The following PLCXD3 variants were observed in gnomAD, a reference collection of about 807,000 sequenced individuals.
PLCXD3 encodes phosphatidylinositol specific phospholipase C X domain containing 3.
A neutral mutation model predicts 25.5 loss-of-function variants in PLCXD3; 19 were observed. The observed-to-expected ratio is 0.75, with a 90% CI of 0.52 to 1.09. The LOEUF is 1.09. Ranked by LOEUF, PLCXD3 falls within the 50% of genes least tolerant of loss-of-function variation. The pLI is 0.00. For missense variants in PLCXD3, 411 were observed against 388.1 expected (o/e 1.06, Z -0.50); for synonymous variants, 174 against 137.6 (o/e 1.26, Z -1.85).
intron 1 of PLCXD3, among the ~76,000 whole-genome samples, chr5:41,414,499 C>G (rs776897606): frequency 6.6e-6 from 1 of 151,950 alleles, no homozygotes; most frequent in African/African-American, 2.4e-5. Context: ...AATTGTACTG[C>G]GAATATTTTA....
chr5:41,482,514 T>C (rs1404475442), intron 1 of PLCXD3, among the ~76,000 whole-genome samples: 1 of 152,184 alleles, frequency 6.6e-6, no homozygotes, highest in Non-Finnish European at 1.5e-5. Flanking sequence ...TACATTAGTC[T>C]GATATCACAC....
chr5:41,441,498 A>G (rs1369831882), intron 1 of PLCXD3, among the ~76,000 whole-genome samples: 1 of 152,194 alleles, frequency 6.6e-6, no homozygotes, highest in Non-Finnish European at 1.5e-5. Context: ...CACCTGGGAA[A>G]GCTTCTCTAA....
intron 1 of PLCXD3, among the ~76,000 whole-genome samples, chr5:41,476,417 C>T (rs144522028): frequency 2.7e-3 from 418 of 152,278 alleles, no homozygotes; most frequent in African/African-American, 8.7e-3. Flanking sequence ...TCTTCTTAAC[C>T]ATCTAGGTGT....
chr5:41,478,837 G>C (rs1353788236), intron 1 of PLCXD3, among the ~76,000 whole-genome samples: 5 of 152,162 alleles, frequency 3.3e-5, no homozygotes, highest in Non-Finnish European at 7.3e-5. Flanking sequence ...TTACAATAGT[G>C]GCAGAAGGGC....
chr5:41,480,476 G>T (rs1394500162), intron 1 of PLCXD3, among the ~76,000 whole-genome samples: 1 of 151,400 alleles, frequency 6.6e-6, no homozygotes, highest in Non-Finnish European at 1.5e-5. Flanking sequence ...GCAGCCAGGG[G>T]TTGGGTACAG....
Position 41,414,167 on chromosome 5 carries a change from C to G in PLCXD3, c.104-31633G>C, listed in dbSNP as rs367663547. Among the ~76,000 whole-genome samples the G allele has an allele frequency of 3.3e-5, 5 of 152,244 alleles. No homozygotes were observed. In the East Asian group the frequency reaches 9.6e-4, roughly 29 times the overall value. On this transcript the variant is annotated intron_variant, in intron 1 of 2. Coordinates refer to ENST00000377801, the MANE Select transcript of PLCXD3 (RefSeq NM_001005473.3). Reference sequence around the variant, plus strand: ...AAAAGAAGTTTTCAAAGCAACTTGTCTGTCTTGGCCTTAGCTCTTGATTGG... The same window carrying G: ...AAAAGAAGTTTTCAAAGCAACTTGTGTGTCTTGGCCTTAGCTCTTGATTGG...
At chr5:41,406,064 T>C (rs1350920693) in intron 1 of PLCXD3, among the ~76,000 whole-genome samples, 3 of 152,106 alleles carry the variant, frequency 2.0e-5, no homozygotes, top group Non-Finnish European at 2.9e-5. Context: ...TCTGGAACAT[T>C]TGATACAGCT....
intron 2 of PLCXD3, among the ~76,000 whole-genome samples, chr5:41,340,001 G>A (rs777447740): frequency 6.6e-6 from 1 of 152,166 alleles, no homozygotes; most frequent in Non-Finnish European, 1.5e-5. Context: ...ATGGCGAGGT[G>A]TTGAAAATTC....
In PLCXD3 at chr5:41,311,619, C is replaced by T. The variant is rs1451300741; in HGVS notation, c.*1998G>A. On this transcript the variant is annotated 3_prime_UTR_variant, in exon 3 of 3. Transcript: ENST00000377801. ...TTGTATATGGCAAGATGTATACACA[C>T]AACCCAAATGTATACACACATTTTT... 1 of 152,134 alleles carries T rather than the reference C, an allele frequency of 6.6e-6. No homozygotes were observed. Among genetic ancestry groups the T allele is most frequent in the East Asian group, 1.9e-4 (1 of 5,202 alleles). The allele number at this position is 152,134 out of a possible 1,614,324, so 9.4% of individuals were successfully genotyped here. A position where few individuals can be genotyped will look rare whatever the true frequency, so the allele number is the denominator to read the frequency against.
chr5:41,383,517 C>T (rs1169686723), intron 1 of PLCXD3, among the ~76,000 whole-genome samples: 2 of 152,038 alleles, frequency 1.3e-5, no homozygotes, highest in Non-Finnish European at 2.9e-5. Context: ...CTTAAAGCCT[C>T]CTTTTATTCT....
chr5:41,409,978 A>AAATG (rs900445004), intron 1 of PLCXD3, among the ~76,000 whole-genome samples: 7 of 152,270 alleles, frequency 4.6e-5, no homozygotes, highest in South Asian at 4.1e-4. Flanking sequence ...GGTTTTCACC[A>AAATG]AATGAATGAA....
At chr5:41,375,774 G>A (rs1409689660) in intron 2 of PLCXD3, among the ~76,000 whole-genome samples, 2 of 152,092 alleles carry the variant, frequency 1.3e-5, no homozygotes, top group African/African-American at 4.8e-5. Flanking sequence ...GACAGAGAAT[G>A]TATTAAATGC....
At chr5:41,497,343 T>C (rs1228867931) in intron 1 of PLCXD3, among the ~76,000 whole-genome samples, 1 of 151,770 alleles carries the variant, frequency 6.6e-6, no homozygotes, top group East Asian at 1.9e-4. Context: ...AAAAATATAT[T>C]CCAGGCAAAT....
intron 1 of PLCXD3, among the ~76,000 whole-genome samples, chr5:41,436,268 C>T (rs1156346731): frequency 1.3e-5 from 2 of 151,514 alleles, no homozygotes; most frequent in Admixed American, 6.6e-5. Flanking sequence ...GAATGCCATC[C>T]CTATAAATAT....
intron 2 of PLCXD3, among the ~76,000 whole-genome samples, chr5:41,365,524 G>A (rs1580327006): frequency 1.3e-5 from 2 of 152,232 alleles, no homozygotes; most frequent in Admixed American, 6.5e-5. Context: ...GTAACTGAAG[G>A]ACTGCCTCTC....
chr5:41,504,450 A>G (rs748260273), intron 1 of PLCXD3, among the ~76,000 whole-genome samples: 2 of 152,284 alleles, frequency 1.3e-5, no homozygotes, highest in South Asian at 4.2e-4. Flanking sequence ...AAACCAGGCA[A>G]AAAGATGCCT....
At position 41,384,404 on chromosome 5, in the gene PLCXD3, G is replaced by T. The variant is rs566391548; in HGVS notation, c.104-1870C>A. On this transcript the variant is annotated intron_variant, in intron 1 of 2. Transcript: ENST00000377801. ...TGAAAGAAAGTTTAAGAAGAATTAT[G>T]ATTAAATGATCTAAGATTAGGAGAG... is the stretch of plus-strand genomic sequence containing the variant. Among the ~76,000 whole-genome samples the T allele has an allele frequency of 7.9e-5, 12 of 152,096 alleles. No homozygotes were observed. The South Asian group carries it at 2.5e-3, about 32-fold the overall frequency.
intron 2 of PLCXD3, among the ~76,000 whole-genome samples, chr5:41,336,125 G>T (rs1316470389): frequency 6.6e-6 from 1 of 152,078 alleles, no homozygotes; most frequent in East Asian, 1.9e-4. Flanking sequence ...CCTTTGGAAG[G>T]TTATTTAACT....
At chr5:41,353,093 C>CT (rs869052057) in intron 2 of PLCXD3, among the ~76,000 whole-genome samples, 12,575 of 136,502 alleles carry the variant, frequency 0.092, 875 homozygotes, top group East Asian at 0.37. Flanking sequence ...GCACACTCAG[C>CT]TTTTTTTTTT....
Sources: gnomAD v4.1 joint callset for allele counts (sites outside exome capture counted in the v4.1 genomes callset) on GRCh38, gnomAD v4.1.1 for gene constraint, MANE v1.5 for transcripts, NCBI Gene and HGNC (gene_info 2026-07-23, HGNC 2026-07-21) for gene names.